VNN2: variants seen among roughly 807,000 people sequenced by gnomAD.
VNN2 encodes pantetheine hydrolase VNN2.
Under a neutral mutation model 43.0 loss-of-function variants are expected in VNN2, and 43 were observed. The observed-to-expected ratio is 1.00, with a 90% CI of 0.78 to 1.29. VNN2 has a LOEUF of 1.29. Among genes scored for constraint, VNN2 ranks in the 50% most tolerant of loss-of-function variants. VNN2 has a pLI of 0.00. For synonymous variants in VNN2, 230 were observed against 224.3 expected, an observed-to-expected ratio of 1.03 and a Z score of -0.23; for missense variants, 652 against 619.7, an observed-to-expected ratio of 1.05 and a Z score of -0.55.
chr6:132,747,818 T>C (rs1402256731), intron 6 of VNN2, among the ~76,000 whole-genome samples: 1 of 152,186 alleles, frequency 6.6e-6, no homozygotes, highest in Non-Finnish European at 1.5e-5. Context: ...TCTCCAACTC[T>C]TCATGCACTA....
upstream of VNN2, among the ~76,000 whole-genome samples, chr6:132,759,167 T>C (rs1780666812): frequency 6.6e-6 from 1 of 152,150 alleles, no homozygotes; most frequent in Admixed American, 6.5e-5. Flanking sequence ...CCAGGTGCAG[T>C]GGCTCATGCC....
intron 5 of VNN2, 150 bp downstream of exon 5, chr6:132,750,995 C>CGT (rs36044107): frequency 0.11 from 91,494 of 848,826 alleles, 3,776 homozygotes; most frequent in African/African-American, 0.29. Flanking sequence ...CATAAATGCA[C>CGT]GTGTGTGTGT....
chr6:132,748,229 G>T (rs901322973), intron 6 of VNN2, among the ~76,000 whole-genome samples: 1 of 152,098 alleles, frequency 6.6e-6, no homozygotes, highest in Non-Finnish European at 1.5e-5. Context: ...TTAGCTACTG[G>T]ATTTTAGCCC....
At chr6:132,753,513 T>C (rs1266418194) in intron 3 of VNN2, 2 of 453,456 alleles carry the variant, frequency 4.4e-6, no homozygotes. Context: ...ACCATAGAAA[T>C]GTATTTAATT....
At chr6:132,749,950 G>A in intron 5 of VNN2, 85 bp from the exon 6 acceptor site, 18 of 1,265,324 alleles carry the variant, frequency 1.4e-5, no homozygotes, top group Non-Finnish European at 1.9e-5. Flanking sequence ...TTTAACTACA[G>A]CGAAGCAAAC....
In VNN2 at chr6:132,757,665, G is replaced by C; in HGVS notation, c.213+6C>G. ...TACATTATGATTAACAGAAATAAGA[G>C]AATACCTGCTCAGCTGCCTGCTTGA... On this transcript the variant is annotated splice_donor_region_variant and intron_variant, in intron 1 of 6. Coordinates refer to ENST00000326499, the MANE Select transcript of VNN2 (RefSeq NM_004665.6). The C allele has an allele frequency of 1.2e-6, 2 of 1,613,480 alleles. No individual in the cohort carries two copies. The highest frequency in any genetic ancestry group is 1.7e-6 in the Non-Finnish European group (2 of 1,179,522).
intron 6 of VNN2, among the ~76,000 whole-genome samples, chr6:132,746,877 T>C (rs1582814161): frequency 6.6e-6 from 1 of 152,262 alleles, no homozygotes. Context: ...TAGAACCTGA[T>C]GAACTTCAGT....
intron 6 of VNN2, among the ~76,000 whole-genome samples, chr6:132,749,252 A>G (rs1779904627): frequency 6.6e-6 from 1 of 152,146 alleles, no homozygotes; most frequent in Non-Finnish European, 1.5e-5. Context: ...TCCTGTGTTG[A>G]TGCAACATTT....
Position 132,756,042 on chromosome 6 carries a change from C to A in VNN2, c.345-7G>T, listed in dbSNP as rs1038808994. 4 of 1,551,834 alleles carry A rather than the reference C, an allele frequency of 2.6e-6. No homozygotes were observed. Among genetic ancestry groups the A allele is most frequent in the Admixed American group, 2.1e-5 (1 of 47,000 alleles). ...TACTGGTGTGTGACCAAATCTAAACCAAATTATAATTAAGAAATTTCAATT... is the reference window on the plus strand; with the variant it reads ...TACTGGTGTGTGACCAAATCTAAACAAAATTATAATTAAGAAATTTCAATT... On this transcript the variant is annotated splice_region_variant and splice_polypyrimidine_tract_variant and intron_variant, in intron 2 of 6. Transcript: ENST00000326499.
upstream of VNN2, among the ~76,000 whole-genome samples, chr6:132,762,212 A>G (rs1195962778): frequency 6.6e-6 from 1 of 152,194 alleles, no homozygotes; most frequent in Non-Finnish European, 1.5e-5. Context: ...ACTCAACCCC[A>G]GGAAGGAGAG....
At chr6:132,749,658 A>T (rs1326813374) in intron 6 of VNN2, 37 bp downstream of exon 6, 1 of 1,570,242 alleles carries the variant, frequency 6.4e-7, no homozygotes, top group Admixed American at 1.8e-5. Context: ...TTCAGAGAAC[A>T]TATAAAATGA....
chr6:132,759,140 A>C (rs1780666064), upstream of VNN2, among the ~76,000 whole-genome samples: 1 of 152,130 alleles, frequency 6.6e-6, no homozygotes, highest in African/African-American at 2.4e-5. Context: ...AATGAGTTTA[A>C]AAACAATGCT....
rs1780199145 is a variant in VNN2 at position 132,752,755 on chromosome 6, A to G, written c.538-6T>C. 2 of 1,607,970 alleles carry G rather than the reference A, an allele frequency of 1.2e-6. No individual in the cohort carries two copies. Among genetic ancestry groups the G allele is most frequent in the Non-Finnish European group, 1.7e-6 (2 of 1,177,230 alleles). ...GGCTCAGAGTACAGGTGGTACTACA[A>G]CAAATGGATAGGAGAAAACCAGTAA... On this transcript the variant is annotated splice_polypyrimidine_tract_variant and splice_region_variant and intron_variant, in intron 3 of 6. Coordinates refer to ENST00000326499, the MANE Select transcript of VNN2 (RefSeq NM_004665.6).
intron 4 of VNN2, among the ~76,000 whole-genome samples, chr6:132,752,107 G>A (rs1450352165): frequency 2.0e-5 from 3 of 152,202 alleles, no homozygotes; most frequent in Non-Finnish European, 1.5e-5. Flanking sequence ...TGCAGCCATA[G>A]GAGGAGACAA....
intron 3 of VNN2, among the ~76,000 whole-genome samples, chr6:132,754,986 C>A (rs979240783): frequency 6.6e-6 from 1 of 152,076 alleles, no homozygotes; most frequent in Non-Finnish European, 1.5e-5. Flanking sequence ...ACAGCCTGGG[C>A]AATGTAGTGA....
chr6:132,756,767 C>A (rs1366984531), intron 2 of VNN2, among the ~76,000 whole-genome samples: 1 of 152,216 alleles, frequency 6.6e-6, no homozygotes. Flanking sequence ...CAGGTGAACT[C>A]ATCATGGTGT....
rs1229224024 is a variant in VNN2, at chr6:132,744,122, A to G, written c.*178T>C. On this transcript the variant is annotated 3_prime_UTR_variant, in exon 7 of 7. Coordinates refer to ENST00000326499, the MANE Select transcript of VNN2 (RefSeq NM_004665.6). ...ACACTGCAACATTTCAGAGTAGCCA[A>G]AAAAATGGACAACATTATCATAATA... The G allele has an allele frequency of 1.9e-6, 1 of 535,642 alleles. No individual in the cohort carries two copies. Among genetic ancestry groups the G allele is most frequent in the African/African-American group, 2.0e-5 (1 of 50,188 alleles). The allele number at this position is 535,642 out of a possible 1,614,324, so 33.2% of individuals were successfully genotyped here.
In VNN2 at chr6:132,755,978, G is replaced by A. The variant is rs571654710; in HGVS notation, c.402C>T (p.Ile134=). Reference sequence around the variant, plus strand: ...TGTCCCCCAAATTTGCCAAGACATAGATAGAGTTGTCCTTGGCCAGGCAGC... The same window carrying A: ...TGTCCCCCAAATTTGCCAAGACATAAATAGAGTTGTCCTTGGCCAGGCAGC... ...RLSCLAKDNS[I]YVLANLGDKK... is the part of the protein sequence containing the mutation. Residue 134 remains isoleucine (I), a synonymous_variant, in exon 3 of 7, where the codon ATC becomes ATT. Transcript: ENST00000326499. 2.4e-5 allele frequency: 38 copies of A among 1,614,182 alleles called. No homozygotes were observed. In the South Asian group the frequency reaches 3.6e-4, roughly 15 times the overall value.
At chr6:132,758,628 G>A (rs1780643650), upstream of VNN2, among the ~76,000 whole-genome samples, 1 of 152,064 alleles carries the variant, frequency 6.6e-6, no homozygotes, top group Non-Finnish European at 1.5e-5. Flanking sequence ...GTTCTGTTGA[G>A]TCACTTACAT....
Sources: gnomAD v4.1 joint callset for allele counts (sites outside exome capture counted in the v4.1 genomes callset) on GRCh38, gnomAD v4.1.1 for gene constraint, MANE v1.5 for transcripts, NCBI Gene and HGNC (gene_info 2026-07-23, HGNC 2026-07-21) for gene names.